RANBP2: variants seen among roughly 807,000 people sequenced by gnomAD.
The protein encoded by RANBP2 is E3 SUMO-protein ligase RanBP2.
A neutral mutation model predicts 303.6 loss-of-function variants in RANBP2; 57 were observed. The observed-to-expected ratio is 0.19, with a 90% CI of 0.15 to 0.23. RANBP2 has a LOEUF of 0.23. RANBP2 is among the 10% of genes least tolerant of loss of function. The probability of loss-of-function intolerance (pLI) is 1.00; values close to 1 mark genes in which losing one functional copy is unlikely to be tolerated. For missense variants in RANBP2, 3,138 were observed against 3,780.8 expected, an observed-to-expected ratio of 0.83 and a Z score of 4.46; for synonymous variants, 1,167 against 1,301.5, an observed-to-expected ratio of 0.90 and a Z score of 2.23.
the RANBP2 span, among the ~76,000 whole-genome samples, chr2:109,755,194 TTGG>T: frequency 8.5e-6 from 1 of 117,842 alleles, no homozygotes; most frequent in Non-Finnish European, 1.8e-5. Context: ...TAGGCACACC[TTGG>T]TGGGGGGGGG....
At chr2:109,128,935 C>T in the RANBP2 span, 2 of 385,674 alleles carry the variant, frequency 5.2e-6, no homozygotes, top group African/African-American at 2.2e-5. Context: ...CACGGCGCCT[C>T]CTTCCCTGAG....
chr2:109,637,010 C>G, the RANBP2 span, among the ~76,000 whole-genome samples: 1 of 152,146 alleles, frequency 6.6e-6, no homozygotes, highest in Non-Finnish European at 1.5e-5. Context: ...TGAGTTCCCT[C>G]TGTTTTTATT....
chr2:109,028,723 C>T, the RANBP2 span, among the ~76,000 whole-genome samples: 1 of 150,592 alleles, frequency 6.6e-6, no homozygotes, highest in Admixed American at 6.6e-5. Flanking sequence ...TCTTGCCCTT[C>T]CCCCACACAT....
At chr2:109,697,307 T>G in the RANBP2 span, among the ~76,000 whole-genome samples, 35 of 152,228 alleles carry the variant, frequency 2.3e-4, no homozygotes, top group African/African-American at 7.5e-4. Context: ...CTGACCAACA[T>G]GGAGAAACCC....
the RANBP2 span, among the ~76,000 whole-genome samples, chr2:109,721,570 A>C: frequency 6.6e-6 from 1 of 152,258 alleles, no homozygotes; most frequent in Non-Finnish European, 1.5e-5. Flanking sequence ...TTGATCTCCA[A>C]GGCCGCACAG....
the RANBP2 span, among the ~76,000 whole-genome samples, chr2:109,042,511 C>T: frequency 2.0e-4 from 31 of 152,066 alleles, no homozygotes; most frequent in African/African-American, 6.8e-4. Flanking sequence ...TCTCTAACCC[C>T]GAGAGGCTGT....
the RANBP2 span, among the ~76,000 whole-genome samples, chr2:109,200,204 G>A: frequency 6.6e-6 from 1 of 152,094 alleles, no homozygotes; most frequent in African/African-American, 2.4e-5. Context: ...AGAAACTCCA[G>A]AACACCCCAT....
the RANBP2 span, among the ~76,000 whole-genome samples, chr2:108,881,224 T>C: frequency 6.6e-6 from 1 of 152,246 alleles, no homozygotes; most frequent in Non-Finnish European, 1.5e-5. Context: ...ACACCAGCAC[T>C]TGTTGCTTCA....
the RANBP2 span, among the ~76,000 whole-genome samples, chr2:109,425,838 G>A: frequency 0.56 from 84,644 of 152,168 alleles, 23,992 homozygotes; most frequent in African/African-American, 0.65. Flanking sequence ...CTCATGGATC[G>A]AGGATAGTTT....
chr2:109,539,553 T>A, the RANBP2 span, among the ~76,000 whole-genome samples: 1 of 151,904 alleles, frequency 6.6e-6, no homozygotes, highest in Non-Finnish European at 1.5e-5. Flanking sequence ...AAGCAATTCT[T>A]CCACCTCAGC....
At chr2:109,317,416 A>T in the RANBP2 span, among the ~76,000 whole-genome samples, 2 of 152,032 alleles carry the variant, frequency 1.3e-5, no homozygotes, top group African/African-American at 4.8e-5. Context: ...GTTAGCGCTC[A>T]GAAGGGACAC....
the RANBP2 span, among the ~76,000 whole-genome samples, chr2:109,167,014 A>G: frequency 6.6e-6 from 1 of 152,212 alleles, no homozygotes; most frequent in African/African-American, 2.4e-5. Flanking sequence ...CAATGCTAAA[A>G]GAACAATACA....
At chr2:109,251,339 C>G in the RANBP2 span, 1 of 518,296 alleles carries the variant, frequency 1.9e-6, no homozygotes, top group East Asian at 4.2e-5. Flanking sequence ...TAGAGAGATG[C>G]AAGACACCCG....
the RANBP2 span, among the ~76,000 whole-genome samples, chr2:109,403,408 C>A: frequency 6.6e-6 from 1 of 152,236 alleles, no homozygotes; most frequent in African/African-American, 2.4e-5. Flanking sequence ...ATTGTTTCCA[C>A]TTCAGAGATG....
the RANBP2 span, among the ~76,000 whole-genome samples, chr2:109,073,947 G>C: frequency 6.6e-6 from 1 of 150,612 alleles, no homozygotes; most frequent in East Asian, 1.9e-4. Flanking sequence ...AAGAAAAAAA[G>C]TTACAAAGCC....
At chr2:109,635,670 G>A in the RANBP2 span, among the ~76,000 whole-genome samples, 1 of 152,150 alleles carries the variant, frequency 6.6e-6, no homozygotes, top group Non-Finnish European at 1.5e-5. Flanking sequence ...GGTCGGTGGG[G>A]GACACAGAGC....
intron 20 of RANBP2, among the ~76,000 whole-genome samples, chr2:108,771,256 C>T (rs1262936552): frequency 6.6e-6 from 1 of 151,140 alleles, no homozygotes; most frequent in Admixed American, 6.6e-5. Flanking sequence ...AAACTAATCA[C>T]AGTTGGCTTT....
the RANBP2 span, among the ~76,000 whole-genome samples, chr2:109,632,237 C>T: frequency 6.6e-6 from 1 of 152,174 alleles, no homozygotes. Flanking sequence ...TGAAGCTAAT[C>T]ATAAGCATTG....
chr2:109,238,449 T>TTGTGTGTGTG, the RANBP2 span, among the ~76,000 whole-genome samples: 7 of 142,602 alleles, frequency 4.9e-5, no homozygotes, highest in African/African-American at 1.5e-4. Flanking sequence ...TTATGTATAT[T>TTGTGTGTGTG]TGTGTGTGTG....
Sources: gnomAD v4.1 joint callset for allele counts (sites outside exome capture counted in the v4.1 genomes callset) on GRCh38, gnomAD v4.1.1 for gene constraint, MANE v1.5 for transcripts, NCBI Gene and HGNC (gene_info 2026-07-23, HGNC 2026-07-21) for gene names.